The following ABCC4 variants were observed in gnomAD, a reference collection of about 807,000 sequenced individuals.
ABCC4 encodes the protein ATP-binding cassette sub-family C member 4.
A neutral mutation model predicts 168.5 loss-of-function variants in ABCC4; 102 were observed. That is an observed-to-expected ratio of 0.61 (90% confidence interval 0.52 to 0.71). ABCC4 has a LOEUF of 0.71. ABCC4 is among the 30% of genes least tolerant of loss of function. The pLI, the probability that ABCC4 is intolerant of heterozygous loss-of-function variation, is 0.00. For missense variants in ABCC4, 1,402 were observed against 1,605.8 expected (o/e 0.87, Z 2.17); for synonymous variants, 617 against 590.7 (o/e 1.04, Z -0.65).
chr13:95,053,006 A>C, intron 27 of ABCC4, 89 bp downstream of exon 27: 1 of 1,161,072 alleles, frequency 8.6e-7, no homozygotes, highest in Admixed American at 1.7e-5. Context: ...TAAACCGCTA[A>C]GCTCCTCTTA....
At chr13:95,120,548 C>T (rs57610523) in intron 19 of ABCC4, among the ~76,000 whole-genome samples, 1,869 of 128,030 alleles carry the variant, frequency 0.015, 53 homozygotes, top group African/African-American at 0.052. Context: ...CCAGGCTGGG[C>T]GACAGAACGA....
intron 20 of ABCC4, among the ~76,000 whole-genome samples, chr13:95,108,023 TTCTC>T (rs2139391546): frequency 6.6e-6 from 1 of 152,298 alleles, no homozygotes; most frequent in East Asian, 1.9e-4. Flanking sequence ...CAGTCACAGT[TTCTC>T]TGGTACCTGG....
chr13:95,047,735 G>A (rs1397995821), intron 27 of ABCC4, among the ~76,000 whole-genome samples: 1 of 151,904 alleles, frequency 6.6e-6, no homozygotes, highest in East Asian at 1.9e-4. Flanking sequence ...CACCCGCCTC[G>A]GCCTCCCAAA....
At chr13:95,272,609 C>T (rs61972759) in intron 1 of ABCC4, among the ~76,000 whole-genome samples, 6,988 of 152,064 alleles carry the variant, frequency 0.046, 235 homozygotes, top group Non-Finnish European at 0.067. Flanking sequence ...CATGTGGGGC[C>T]GGGCACGGTG....
chr13:95,294,937 A>G (rs562388474), intron 1 of ABCC4, among the ~76,000 whole-genome samples: 93 of 152,228 alleles, frequency 6.1e-4, no homozygotes, highest in Admixed American at 1.0e-3. Flanking sequence ...TTGGGCAACA[A>G]GAGTGAAACT....
chr13:95,282,751 T>C (rs2041158117), intron 1 of ABCC4, among the ~76,000 whole-genome samples: 1 of 151,612 alleles, frequency 6.6e-6, no homozygotes, highest in Non-Finnish European at 1.5e-5. Context: ...ACCAGTCTGC[T>C]CTCAAACTCC....
intron 4 of ABCC4, among the ~76,000 whole-genome samples, chr13:95,211,261 T>C (rs930291370): frequency 2.0e-5 from 3 of 152,152 alleles, no homozygotes; most frequent in Non-Finnish European, 4.4e-5. Context: ...ATGACAAATA[T>C]GGAGTATCAA....
intron 19 of ABCC4, among the ~76,000 whole-genome samples, chr13:95,118,436 G>C (rs1326400420): frequency 6.6e-6 from 1 of 152,034 alleles, no homozygotes; most frequent in Non-Finnish European, 1.5e-5. Context: ...TAGAGACGGG[G>C]TTTCACCACG....
intron 19 of ABCC4, among the ~76,000 whole-genome samples, chr13:95,125,923 C>T (rs1039955006): frequency 6.6e-6 from 1 of 152,136 alleles, no homozygotes; most frequent in African/African-American, 2.4e-5. Context: ...AGGTACAGAT[C>T]CCTGGACAGC....
chr13:95,224,443 A>G (rs1049531142), intron 4 of ABCC4, among the ~76,000 whole-genome samples: 6 of 152,198 alleles, frequency 3.9e-5, no homozygotes, highest in African/African-American at 1.4e-4. Context: ...GACTTCTACT[A>G]TAAGAAATGT....
At chr13:95,154,404 G>A (rs2036791558) in intron 19 of ABCC4, among the ~76,000 whole-genome samples, 1 of 152,190 alleles carries the variant, frequency 6.6e-6, no homozygotes, top group Non-Finnish European at 1.5e-5. Context: ...CAGGACGGTT[G>A]TTATTCTCAA....
At chr13:95,127,412 A>G (rs115747951) in intron 19 of ABCC4, among the ~76,000 whole-genome samples, 2,257 of 152,076 alleles carry the variant, frequency 0.015, 61 homozygotes, top group African/African-American at 0.052. Context: ...CAGCCTCTCA[A>G]GTAGCTGGCA....
intron 8 of ABCC4, among the ~76,000 whole-genome samples, chr13:95,202,644 CTTTTTTT>C (rs10603210): frequency 4.3e-5 from 4 of 93,066 alleles, no homozygotes; most frequent in Middle Eastern, 9.4e-3. Flanking sequence ...AGAATGTGCA[CTTTTTTT>C]TTTTTTTTTT....
intron 26 of ABCC4, among the ~76,000 whole-genome samples, chr13:95,061,385 T>C (rs769198176): frequency 5.9e-5 from 9 of 152,198 alleles, no homozygotes; most frequent in Non-Finnish European, 8.8e-5. Flanking sequence ...GTGATTCCAA[T>C]TGTTTTAGAG....
intron 5 of ABCC4, among the ~76,000 whole-genome samples, chr13:95,210,057 T>C (rs1198960087): frequency 1.3e-5 from 2 of 152,252 alleles, no homozygotes; most frequent in Non-Finnish European, 2.9e-5. Flanking sequence ...TCCCTGACAC[T>C]GAGCGGAGGC....
intron 1 of ABCC4, among the ~76,000 whole-genome samples, chr13:95,249,352 T>C (rs138689957): frequency 2.4e-4 from 36 of 152,322 alleles, no homozygotes; most frequent in African/African-American, 7.7e-4. Context: ...TCACCTTTAA[T>C]AGGCATGTTT....
chr13:95,098,681 C>T (rs2034693084), intron 20 of ABCC4, among the ~76,000 whole-genome samples: 1 of 152,072 alleles, frequency 6.6e-6, no homozygotes, highest in South Asian at 2.1e-4. Flanking sequence ...ATATTAAAAA[C>T]TAAAAAATCA....
At chr13:95,221,589 C>A (rs897193280) in intron 4 of ABCC4, among the ~76,000 whole-genome samples, 1 of 150,982 alleles carries the variant, frequency 6.6e-6, no homozygotes. Flanking sequence ...AAAAACAAAT[C>A]AATTATGTTT....
At chr13:95,047,160 AC>A in intron 27 of ABCC4, among the ~76,000 whole-genome samples, 1 of 152,294 alleles carries the variant, frequency 6.6e-6, no homozygotes, top group East Asian at 1.9e-4. Context: ...TATTCATTTG[AC>A]TGTTCTGTGA....
Sources: allele counts gnomAD v4.1 joint callset (sites outside exome capture counted in the v4.1 genomes callset), GRCh38; gene constraint gnomAD v4.1.1; transcripts MANE v1.5; gene names NCBI Gene and HGNC (gene_info 2026-07-23, HGNC 2026-07-21).